The following CSMD3 variants were observed in gnomAD, a reference collection of about 807,000 sequenced individuals.
CSMD3 encodes CUB and sushi domain-containing protein 3.
CSMD3 carries 177 observed loss-of-function variants against 435.2 expected under a neutral mutation model. The ratio of observed to expected loss-of-function variants is 0.41; its 90% CI spans 0.36 to 0.46. The LOEUF is 0.46. Among genes scored for constraint, CSMD3 ranks in the 20% least tolerant of loss-of-function variants. CSMD3 has a pLI of 0.34. For missense variants in CSMD3, 4,265 were observed against 4,504.6 expected (o/e 0.95, Z 1.52); for synonymous variants, 1,656 against 1,520.5 (o/e 1.09, Z -2.07).
chr8:112,525,603 C>T (rs951052828), intron 27 of CSMD3, among the ~76,000 whole-genome samples: 1 of 148,576 alleles, frequency 6.7e-6, no homozygotes, highest in Non-Finnish European at 1.5e-5. Flanking sequence ...CACCTGTAGT[C>T]CCAGCTACTT....
At chr8:113,144,628 T>C (rs1384595490) in intron 4 of CSMD3, among the ~76,000 whole-genome samples, 1 of 151,570 alleles carries the variant, frequency 6.6e-6, no homozygotes, top group Non-Finnish European at 1.5e-5. Context: ...CTCAGATCTG[T>C]TTTCTGTTGC....
chr8:112,925,810 C>T (rs557793383), intron 9 of CSMD3, among the ~76,000 whole-genome samples: 1 of 152,298 alleles, frequency 6.6e-6, no homozygotes, highest in South Asian at 2.1e-4. Context: ...GGCCACATGG[C>T]CCATGGATGT....
intron 27 of CSMD3, among the ~76,000 whole-genome samples, chr8:112,532,997 G>A (rs1825684539): frequency 6.6e-6 from 1 of 151,994 alleles, no homozygotes. Context: ...ATATTTCTTT[G>A]TTTGTTTCTG....
At chr8:113,322,206 A>G (rs2093953886) in intron 1 of CSMD3, among the ~76,000 whole-genome samples, 2 of 152,092 alleles carry the variant, frequency 1.3e-5, no homozygotes, top group Admixed American at 6.5e-5. Context: ...AGATTTGTGT[A>G]ATTTTCTAAA....
At chr8:112,694,536 A>G (rs1172935558) in intron 13 of CSMD3, among the ~76,000 whole-genome samples, 3 of 152,088 alleles carry the variant, frequency 2.0e-5, no homozygotes, top group Non-Finnish European at 4.4e-5. Context: ...CATTAATACA[A>G]CACTCTTTAA....
intron 6 of CSMD3, among the ~76,000 whole-genome samples, chr8:113,006,765 C>T (rs1486737180): frequency 6.6e-6 from 1 of 151,852 alleles, no homozygotes; most frequent in African/African-American, 2.4e-5. Context: ...GTAGAACTAC[C>T]TTAGCAGAAG....
At chr8:112,594,916 AAAAC>A (rs1831547589) in intron 22 of CSMD3, among the ~76,000 whole-genome samples, 2 of 152,034 alleles carry the variant, frequency 1.3e-5, no homozygotes, top group South Asian at 4.2e-4. Context: ...AGATGGGGAA[AAAAC>A]AGAACAGAAA....
intron 27 of CSMD3, among the ~76,000 whole-genome samples, chr8:112,517,945 C>G (rs143413370): frequency 6.6e-6 from 1 of 152,108 alleles, no homozygotes; most frequent in Admixed American, 6.6e-5. Flanking sequence ...AACTTATATT[C>G]ACATGAAAGC....
chr8:113,266,941 G>T (rs2093476577), intron 3 of CSMD3, among the ~76,000 whole-genome samples: 1 of 151,384 alleles, frequency 6.6e-6, no homozygotes, highest in Non-Finnish European at 1.5e-5. Flanking sequence ...ATGGGCAAAG[G>T]ACACAAATAG....
chr8:113,214,735 G>C (rs2092881169), intron 3 of CSMD3, among the ~76,000 whole-genome samples: 1 of 151,794 alleles, frequency 6.6e-6, no homozygotes, highest in African/African-American at 2.4e-5. Flanking sequence ...ATTTAATAAA[G>C]ATATACTCAC....
rs540506153 is a variant in CSMD3, at chr8:112,318,966, G to A, written c.7247-16C>T. The A allele has an allele frequency of 2.1e-6, 3 of 1,449,276 alleles. No individual in the cohort carries two copies. Among genetic ancestry groups the A allele is most frequent in the Non-Finnish European group, 2.9e-6 (3 of 1,032,856 alleles). 89.8% of individuals were successfully genotyped at this position (1,449,276 alleles called of 1,614,324 possible). A position where few individuals can be genotyped will look rare whatever the true frequency, so the allele number is the denominator to read the frequency against. Reference sequence around the variant, plus strand: ...ATAATATCACCTATTAAACAAAAGAGGGGAGGTTTCATATAAGCAACAAGG... The same window carrying A: ...ATAATATCACCTATTAAACAAAAGAAGGGAGGTTTCATATAAGCAACAAGG... On this transcript the variant is annotated splice_polypyrimidine_tract_variant and intron_variant, in intron 46 of 70. Coordinates refer to ENST00000297405, the MANE Select transcript of CSMD3 (RefSeq NM_198123.2).
intron 13 of CSMD3, among the ~76,000 whole-genome samples, chr8:112,777,737 G>C (rs1388840591): frequency 6.6e-6 from 1 of 151,650 alleles, no homozygotes; most frequent in Non-Finnish European, 1.5e-5. Context: ...AGTTTTTCAA[G>C]TCAGTTTGAG....
At chr8:112,524,834 T>C (rs963131851) in intron 27 of CSMD3, among the ~76,000 whole-genome samples, 1 of 152,040 alleles carries the variant, frequency 6.6e-6, no homozygotes, top group Non-Finnish European at 1.5e-5. Flanking sequence ...TTTATATGAA[T>C]TATCTGAATA....
rs888287220 is a variant in CSMD3 at position 113,088,244 on chromosome 8, A to T, written c.917+10512T>A. On this transcript the variant is annotated intron_variant, in intron 5 of 70. Transcript: ENST00000297405. The stretch of plus-strand genomic sequence containing the variant: ...GGAGAGGATGTGGAGAAATAGGAAC[A>T]CTTTTACACTGTTGGTGGGACTGTA... 8.4e-4 allele frequency among the ~76,000 whole-genome samples: 127 copies of T among 150,858 alleles called. 1 individual carries two copies. Among genetic ancestry groups the T allele is most frequent in the Non-Finnish European group, 1.4e-3 (93 of 67,676 alleles).
intron 2 of CSMD3, among the ~76,000 whole-genome samples, chr8:113,291,318 T>C (rs2093684910): frequency 1.3e-5 from 2 of 151,790 alleles, no homozygotes. Flanking sequence ...ACAGAGTGAT[T>C]AGATTAAAGT....
intron 3 of CSMD3, among the ~76,000 whole-genome samples, chr8:113,277,348 A>C (rs2093579325): frequency 6.6e-6 from 1 of 152,000 alleles, no homozygotes; most frequent in African/African-American, 2.4e-5. Flanking sequence ...TGCTACACAA[A>C]AGACAGTTCA....
At chr8:113,318,005 A>G (rs1342955841) in intron 1 of CSMD3, among the ~76,000 whole-genome samples, 2 of 152,192 alleles carry the variant, frequency 1.3e-5, no homozygotes, top group South Asian at 2.1e-4. Flanking sequence ...TTTTATGGTT[A>G]TAACGGTCTA....
chr8:112,434,808 T>TTA (rs546508765), intron 32 of CSMD3, among the ~76,000 whole-genome samples: 10 of 152,128 alleles, frequency 6.6e-5, no homozygotes, highest in Non-Finnish European at 1.0e-4. Context: ...GTAATAAGCT[T>TTA]TAGTACACAC....
At position 112,636,860 on chromosome 8, in the gene CSMD3, A is replaced by T; in HGVS notation, c.3672T>A (p.Gly1224=). 6.2e-7 allele frequency: 1 copy of T among 1,613,534 alleles called. No individual in the cohort carries two copies. Among genetic ancestry groups the T allele is most frequent in the Non-Finnish European group, 8.5e-7 (1 of 1,179,714 alleles). Residue 1224 remains glycine, a synonymous_variant, in exon 22 of 71, where the codon GGT becomes GGA. Coordinates refer to ENST00000297405, the MANE Select transcript of CSMD3 (RefSeq NM_198123.2). ...GTGCACTCCACACTCGTCGGCCACC[A>T]CCAAGACAGATGATCTCTGATGTTC... The part of the protein sequence containing the change: ...LEGTSEIICL[G]GGRRVWSAPL...
Sources: gnomAD v4.1 joint callset for allele counts (sites outside exome capture counted in the v4.1 genomes callset) on GRCh38, gnomAD v4.1.1 for gene constraint, MANE v1.5 for transcripts, NCBI Gene and HGNC (gene_info 2026-07-23, HGNC 2026-07-21) for gene names.